Variants in MAD1L1 observed in about 807,000 individuals in gnomAD.
MAD1L1 encodes mitotic spindle assembly checkpoint protein MAD1.
A neutral mutation model predicts 96.9 loss-of-function variants in MAD1L1; 95 were observed. The observed-to-expected ratio is 0.98, with a 90% CI of 0.83 to 1.16. The LOEUF (loss-of-function observed/expected upper bound fraction) is 1.16, where lower values mean the gene tolerates loss of function less well. Ranked by LOEUF, MAD1L1 falls within the 50% of genes most tolerant of loss-of-function variation. MAD1L1 has a pLI of 0.00. For missense variants in MAD1L1, 1,007 were observed against 954.4 expected (o/e 1.06, Z -0.73); for synonymous variants, 473 against 396.6 (o/e 1.19, Z -2.29).
chr7:1,945,197 G>A (rs911645020), intron 16 of MAD1L1, among the ~76,000 whole-genome samples: 14 of 152,228 alleles, frequency 9.2e-5, no homozygotes, highest in African/African-American at 2.9e-4. Context: ...TGTTGCCAGC[G>A]GGACACCCCG....
chr7:2,026,223 T>G (rs1310835924), intron 12 of MAD1L1, among the ~76,000 whole-genome samples: 2 of 152,122 alleles, frequency 1.3e-5, no homozygotes, highest in East Asian at 3.8e-4. Context: ...TCCGCAGAGA[T>G]AAAGAATGTC....
At chr7:2,171,948 T>C (rs531518789) in intron 10 of MAD1L1, among the ~76,000 whole-genome samples, 2 of 152,092 alleles carry the variant, frequency 1.3e-5, no homozygotes, top group South Asian at 4.2e-4. Flanking sequence ...ACACACAAGC[T>C]CATCACCACG....
At chr7:2,208,011 G>T (rs1178134023) in intron 10 of MAD1L1, among the ~76,000 whole-genome samples, 1 of 152,158 alleles carries the variant, frequency 6.6e-6, no homozygotes, top group Admixed American at 6.5e-5. Context: ...CCAGTATCTG[G>T]TGTCAGAGGC....
chr7:2,067,616 C>T (rs917518016), intron 12 of MAD1L1, among the ~76,000 whole-genome samples: 1 of 152,092 alleles, frequency 6.6e-6, no homozygotes, highest in African/African-American at 2.4e-5. Context: ...CCGCAGTGGT[C>T]AGCCCGAACC....
At chr7:2,102,428 G>A (rs1584325240) in intron 11 of MAD1L1, among the ~76,000 whole-genome samples, 1 of 136,518 alleles carries the variant, frequency 7.3e-6, no homozygotes, top group Non-Finnish European at 1.6e-5. Context: ...CATCACCACT[G>A]TCACCCTCAC....
chr7:1,884,949 G>A (rs973560567), intron 18 of MAD1L1, among the ~76,000 whole-genome samples: 2 of 152,214 alleles, frequency 1.3e-5, no homozygotes, highest in Admixed American at 6.5e-5. Context: ...GTCGCCCTCC[G>A]GGAATAGGCA....
chr7:2,005,065 G>A (rs1781971055), intron 13 of MAD1L1, among the ~76,000 whole-genome samples: 2 of 152,198 alleles, frequency 1.3e-5, no homozygotes, highest in Non-Finnish European at 2.9e-5. Context: ...GCCCCGGGAT[G>A]CGGCCAGGAG....
intron 11 of MAD1L1, among the ~76,000 whole-genome samples, chr7:2,137,718 C>T (rs2128572247): frequency 6.6e-6 from 1 of 152,338 alleles, no homozygotes; most frequent in Non-Finnish European, 1.5e-5. Flanking sequence ...AAGATGCCAC[C>T]TCAGGCTCCC....
At chr7:2,152,894 G>A (rs968789322) in intron 10 of MAD1L1, among the ~76,000 whole-genome samples, 8 of 152,192 alleles carry the variant, frequency 5.3e-5, no homozygotes, top group African/African-American at 1.9e-4. Context: ...TGGAGGCGGT[G>A]TCTGGATGTC....
chr7:2,206,063 C>G (rs748809761), intron 10 of MAD1L1, among the ~76,000 whole-genome samples: 4 of 152,074 alleles, frequency 2.6e-5, no homozygotes, highest in Admixed American at 2.6e-4. Flanking sequence ...ACCTGGGAGG[C>G]GGAGGTTGCA....
At chr7:2,043,933 G>A (rs1001670685) in intron 12 of MAD1L1, among the ~76,000 whole-genome samples, 2 of 152,212 alleles carry the variant, frequency 1.3e-5, no homozygotes, top group Non-Finnish European at 2.9e-5. Flanking sequence ...TGTGGGTGGC[G>A]GCCGCGGGCT....
intron 18 of MAD1L1, among the ~76,000 whole-genome samples, chr7:1,867,788 G>A (rs377672701): frequency 7.2e-5 from 11 of 152,332 alleles, no homozygotes; most frequent in African/African-American, 2.6e-4. Flanking sequence ...TGGACGGGCT[G>A]AGCACTGGCC....
chr7:2,205,742 C>T (rs747478406), intron 10 of MAD1L1, among the ~76,000 whole-genome samples: 123 of 152,316 alleles, frequency 8.1e-4, no homozygotes, highest in African/African-American at 2.1e-3. Context: ...CCCTGTTGGG[C>T]GATTACAGTC....
chr7:1,894,276 G>A (rs1475731494), intron 18 of MAD1L1, among the ~76,000 whole-genome samples: 1 of 152,232 alleles, frequency 6.6e-6, no homozygotes, highest in Non-Finnish European at 1.5e-5. Context: ...ACCCAGTGAA[G>A]GGCAGCTCGG....
At chr7:1,818,126 T>G (rs972742928) in intron 18 of MAD1L1, among the ~76,000 whole-genome samples, 1 of 152,124 alleles carries the variant, frequency 6.6e-6, no homozygotes, top group Non-Finnish European at 1.5e-5. Flanking sequence ...CTGCTCTTGA[T>G]TCTGAATTTC....
intron 11 of MAD1L1, among the ~76,000 whole-genome samples, chr7:2,078,072 T>G (rs1785464475): frequency 1.3e-5 from 2 of 152,118 alleles, no homozygotes; most frequent in Admixed American, 6.5e-5. Context: ...GGGCCCCCAC[T>G]CACCACAGAG....
chr7:2,195,578 G>C (rs965969514), intron 10 of MAD1L1, among the ~76,000 whole-genome samples: 10 of 152,192 alleles, frequency 6.6e-5, no homozygotes, highest in African/African-American at 2.2e-4. Context: ...CCTTGCTGTG[G>C]GAGGACTGTT....
At chr7:2,121,195 C>T (rs1358277437) in intron 11 of MAD1L1, among the ~76,000 whole-genome samples, 1 of 152,258 alleles carries the variant, frequency 6.6e-6, no homozygotes, top group East Asian at 1.9e-4. Context: ...CGATCTGAGT[C>T]TCCACTCACT....
At chr7:2,192,734 CGA>C (rs1562357685) in intron 10 of MAD1L1, among the ~76,000 whole-genome samples, 1 of 152,072 alleles carries the variant, frequency 6.6e-6, no homozygotes, top group African/African-American at 2.4e-5. Flanking sequence ...CCCAAGGAAA[CGA>C]GAGAAAAGGA....
Sources: gnomAD v4.1 joint callset for allele counts (sites outside exome capture counted in the v4.1 genomes callset) on GRCh38, gnomAD v4.1.1 for gene constraint, MANE v1.5 for transcripts, NCBI Gene and HGNC (gene_info 2026-07-23, HGNC 2026-07-21) for gene names.